Variants in SPSB1 observed in about 807,000 individuals in gnomAD.
The protein encoded by SPSB1 is splA/ryanodine receptor domain and SOCS box containing 1, also known as SPRY domain-containing SOCS box protein 1.
A neutral mutation model predicts 21.2 loss-of-function variants in SPSB1; 8 were observed. The observed-to-expected ratio is 0.38, with a 90% CI of 0.22 to 0.68. The LOEUF is 0.68. Ranked by LOEUF, SPSB1 falls within the 30% of genes least tolerant of loss-of-function variation. SPSB1 has a pLI of 0.53. For synonymous variants in SPSB1, 169 were observed against 161.7 expected, an observed-to-expected ratio of 1.05 and a Z score of -0.34; for missense variants, 242 against 377.8, an observed-to-expected ratio of 0.64 and a Z score of 2.98.
intron 2 of SPSB1, among the ~76,000 whole-genome samples, chr1:9,365,401 G>T (rs1640552260): frequency 6.6e-6 from 1 of 152,188 alleles, no homozygotes; most frequent in South Asian, 2.1e-4. Flanking sequence ...ACAGGTATGA[G>T]CCACTGTGCC....
At chr1:9,294,949 T>A (rs1309902035) in intron 1 of SPSB1, among the ~76,000 whole-genome samples, 1 of 152,144 alleles carries the variant, frequency 6.6e-6, no homozygotes, top group Non-Finnish European at 1.5e-5. Flanking sequence ...TAGGCCAGCC[T>A]GTCCTAGAGA....
intron 1 of SPSB1, among the ~76,000 whole-genome samples, chr1:9,329,929 A>G (rs1389850332): frequency 6.6e-6 from 1 of 152,140 alleles, no homozygotes; most frequent in Non-Finnish European, 1.5e-5. Context: ...ACTGATTCCT[A>G]GAGTCCAGGG....
In SPSB1 at chr1:9,305,539, G is replaced by A. The variant is rs930571831; in HGVS notation, c.-150+12468G>A. ...GAGTAGGTAAGACCGGTGGCGTAGT[G>A]GATCCTAGCAGGGTCTGGGAGAGCT... On this transcript the variant is annotated intron_variant, in intron 1 of 2. Transcript: ENST00000328089. This position sits in a 1 kb window ranked among gnomAD's most constrained non-coding sequence, Gnocchi z 4.8. Among the ~76,000 whole-genome samples, 2 of 152,240 alleles carry A rather than the reference G, an allele frequency of 1.3e-5. No homozygotes were observed. The highest frequency in any genetic ancestry group is 1.3e-4 in the Admixed American group (2 of 15,302).
At chr1:9,307,432 T>C (rs1448021818) in intron 1 of SPSB1, among the ~76,000 whole-genome samples, 1 of 152,216 alleles carries the variant, frequency 6.6e-6, no homozygotes, top group Non-Finnish European at 1.5e-5. Flanking sequence ...GGAACCAATC[T>C]GTATTCTGAT....
In SPSB1 at chr1:9,356,416, C is replaced by T. The variant is rs1640363432; in HGVS notation, c.525C>T (p.Asp175=). The T allele has an allele frequency of 6.2e-7, 1 of 1,614,176 alleles. No homozygotes were observed. ...CAGATGAGACATTCATTGTCCCTGACTCCTTCCTGGTAGCCCTGGACATGG... is the reference window on the plus strand; with the variant it reads ...CAGATGAGACATTCATTGTCCCTGATTCCTTCCTGGTAGCCCTGGACATGG... ...LEPDETFIVP[D]SFLVALDMDD... The change falls in exon 2 of 3, where the codon GAC becomes GAT. Residue 175 remains aspartate (D), a synonymous_variant. Coordinates refer to ENST00000328089, the MANE Select transcript of SPSB1 (RefSeq NM_025106.4). The surrounding 1 kb of genome is among the most constrained non-coding windows in gnomAD (Gnocchi z 7.4).
chr1:9,349,936 A>G (rs1303228186), intron 1 of SPSB1, among the ~76,000 whole-genome samples: 1 of 152,082 alleles, frequency 6.6e-6, no homozygotes, highest in Non-Finnish European at 1.5e-5. Context: ...ATACATATGC[A>G]TACACACACA....
At chr1:9,361,565 G>A (rs547484598) in intron 2 of SPSB1, among the ~76,000 whole-genome samples, 73 of 152,290 alleles carry the variant, frequency 4.8e-4, no homozygotes, top group African/African-American at 1.6e-3. Context: ...GCAGAGTCCC[G>A]GCTTCTACAC....
Position 9,355,968 on chromosome 1 carries a change from T to C in SPSB1, c.77T>C (p.Leu26Pro), listed in dbSNP as rs1305535050. The change falls in exon 2 of 3, where the codon CTC becomes CCC. Residue 26 changes from leucine to proline, a missense_variant. Leu to Pro is a moderately conservative substitution (Grantham distance 98). Coordinates refer to ENST00000328089, the MANE Select transcript of SPSB1 (RefSeq NM_025106.4). ...DPTYRPLKQE[L>P]QGLDYCKPTR... ...ACGTACAGGCCCCTGAAGCAGGAGC[T>C]CCAGGGTCTGGATTACTGCAAGCCC... The C allele has an allele frequency of 1.9e-6, 3 of 1,613,926 alleles. No homozygotes were observed. In the South Asian group the frequency reaches 3.3e-5, roughly 18 times the overall value.
At chr1:9,308,393 C>T (rs111750743) in intron 1 of SPSB1, among the ~76,000 whole-genome samples, 2,070 of 152,228 alleles carry the variant, frequency 0.014, 43 homozygotes, top group African/African-American at 0.047. Flanking sequence ...GACTGTGGGT[C>T]GGGGGACAGT....
intron 2 of SPSB1, among the ~76,000 whole-genome samples, chr1:9,362,227 G>A (rs546083560): frequency 6.8e-6 from 1 of 148,050 alleles, no homozygotes; most frequent in East Asian, 2.0e-4. Context: ...GGGAGGGGTT[G>A]TCCCAGACCC....
At chr1:9,333,657 C>T (rs1445437226) in intron 1 of SPSB1, among the ~76,000 whole-genome samples, 2 of 152,166 alleles carry the variant, frequency 1.3e-5, no homozygotes, top group South Asian at 4.1e-4. Flanking sequence ...GAAGCGCCTG[C>T]GGTGTGAGCC....
chr1:9,316,023 T>C (rs1194329398), intron 1 of SPSB1, among the ~76,000 whole-genome samples: 1 of 152,136 alleles, frequency 6.6e-6, no homozygotes, highest in Admixed American at 6.5e-5. Context: ...AATTGCTTAG[T>C]CATTTGCAAA....
At chr1:9,329,167 G>C (rs2100490712) in intron 1 of SPSB1, among the ~76,000 whole-genome samples, 1 of 152,332 alleles carries the variant, frequency 6.6e-6, no homozygotes, top group South Asian at 2.1e-4. Context: ...GTTGTATGAA[G>C]CAGTGTGAGG....
Position 9,330,970 on chromosome 1 carries a change from T to C in SPSB1, c.-149-24773T>C, listed in dbSNP as rs77641272. Among the ~76,000 whole-genome samples, 10 of 152,112 alleles carry C rather than the reference T, an allele frequency of 6.6e-5. No homozygotes were observed. The East Asian group carries it at 9.7e-4, about 15-fold the overall frequency. On this transcript the variant is annotated intron_variant, in intron 1 of 2. Coordinates refer to ENST00000328089, the MANE Select transcript of SPSB1 (RefSeq NM_025106.4). ...TACATACTTAAAAAAAAATCCTAAA[T>C]CTTTTATTGAAGGATGATATACCCA...
Position 9,346,956 on chromosome 1 carries a change from T to G in SPSB1, c.-149-8787T>G, listed in dbSNP as rs187198606. On this transcript the variant is annotated intron_variant, in intron 1 of 2. Coordinates refer to ENST00000328089, the MANE Select transcript of SPSB1 (RefSeq NM_025106.4). The surrounding 1 kb of genome is among the most constrained non-coding windows in gnomAD (Gnocchi z 4.4). ...AATCGGAAGTCTTGGGATAGATCAC[T>G]GTAGAAATAATGTCCCTCTTCGGGA... Among the ~76,000 whole-genome samples, 7 of 152,350 alleles carry G rather than the reference T, an allele frequency of 4.6e-5. No homozygotes were observed. Among genetic ancestry groups the G allele is most frequent in the Admixed American group, 4.6e-4 (7 of 15,304 alleles).
chr1:9,356,349 G>T lies in SPSB1; in HGVS notation c.458G>T (p.Gly153Val), dbSNP rs1173117378. 6.2e-7 allele frequency: 1 copy of T among 1,614,010 alleles called. No homozygotes were observed. The highest frequency in any genetic ancestry group is 2.2e-5 in the East Asian group (1 of 44,894). ...DLGRNRLYHD[G>V]KNQPSKTYPA... ...GGGCGCAACCGGCTCTACCACGATG[G>T]CAAGAACCAGCCAAGCAAAACATAC... Residue 153 changes from glycine (G) to valine (V), a missense_variant, in exon 2 of 3, where the codon GGC becomes GTC. Gly to Val is a moderately radical substitution (Grantham distance 109, BLOSUM62 -3). Transcript: ENST00000328089. The surrounding 1 kb of genome is among the most constrained non-coding windows in gnomAD (Gnocchi z 7.4).
intron 1 of SPSB1, chr1:9,294,631 A>G (rs1413045101): frequency 6.6e-6 from 1 of 152,222 alleles, no homozygotes; most frequent in African/African-American, 2.4e-5. Context: ...AGTCTGTAGC[A>G]TCAGAAACTG....
At chr1:9,306,680 A>C (rs1459455782) in intron 1 of SPSB1, among the ~76,000 whole-genome samples, 1 of 152,166 alleles carries the variant, frequency 6.6e-6, no homozygotes, top group Non-Finnish European at 1.5e-5. Context: ...ACCATTTGCC[A>C]CAAAAGAGGA....
intron 1 of SPSB1, among the ~76,000 whole-genome samples, chr1:9,309,616 G>T (rs1450830356): frequency 6.6e-6 from 1 of 152,178 alleles, no homozygotes; most frequent in Non-Finnish European, 1.5e-5. Flanking sequence ...GCCGAGACGG[G>T]TGGATCACCC....
Sources: allele counts gnomAD v4.1 joint callset (sites outside exome capture counted in the v4.1 genomes callset), GRCh38; gene constraint gnomAD v4.1.1; non-coding constraint Gnocchi (gnomAD v3.1); transcripts MANE v1.5; gene names NCBI Gene and HGNC (gene_info 2026-07-23, HGNC 2026-07-21).